Variants in TMIE observed in about 807,000 individuals in gnomAD.
TMIE encodes transmembrane inner ear, also known as transmembrane inner ear expressed protein.
Under a neutral mutation model 16.8 loss-of-function variants are expected in TMIE, and 14 were observed. The ratio of observed to expected loss-of-function variants is 0.83; its 90% CI spans 0.55 to 1.30. The LOEUF is 1.30. Among genes scored for constraint, TMIE ranks in the 50% most tolerant of loss-of-function variants. The pLI, the probability that TMIE is intolerant of heterozygous loss-of-function variation, is 0.00. For synonymous variants in TMIE, 75 were observed against 87.2 expected (o/e 0.86, Z 0.78); for missense variants, 204 against 205.9 (o/e 0.99, Z 0.06).
At chr3:46,696,241 C>T (rs576419978) in intron 1 of TMIE, among the ~76,000 whole-genome samples, 5 of 152,294 alleles carry the variant, frequency 3.3e-5, no homozygotes, top group African/African-American at 1.2e-4. Flanking sequence ...AGATCATGTG[C>T]CCATCCACAG....
At chr3:46,705,638 G>A (rs977467432) in intron 1 of TMIE, 152 bp from the exon 2 acceptor site, 2 of 705,524 alleles carry the variant, frequency 2.8e-6, no homozygotes, top group African/African-American at 1.7e-5. Context: ...ACTTTCCAAG[G>A]TCTAGGGTGT....
chr3:46,708,163 C>A (rs1700575989), intron 2 of TMIE, among the ~76,000 whole-genome samples: 1 of 152,156 alleles, frequency 6.6e-6, no homozygotes, highest in African/African-American at 2.4e-5. Flanking sequence ...TTATTCTGAG[C>A]CTGGGTGAGA....
chr3:46,709,511 C>T (rs1700593606), intron 3 of TMIE, 68 bp from the exon 4 acceptor site: 4 of 1,613,740 alleles, frequency 2.5e-6, no homozygotes, highest in East Asian at 4.5e-5. Flanking sequence ...GGCTCTTCCC[C>T]TCAGGACAGT....
upstream of TMIE, chr3:46,701,199 C>A (rs1376743976): frequency 1.1e-5 from 4 of 370,292 alleles, no homozygotes; most frequent in African/African-American, 8.5e-5. The surrounding 1 kb of genome is among the most constrained non-coding windows in gnomAD (Gnocchi z 4.3). Context: ...CTGGCCCCAG[C>A]CTGTCCTCCC....
chr3:46,702,548 A>C (rs566051457), intron 1 of TMIE, among the ~76,000 whole-genome samples: 15 of 152,192 alleles, frequency 9.9e-5, no homozygotes, highest in African/African-American at 3.1e-4. Context: ...AGGGAGGAGC[A>C]GGGGATGGAG....
intron 1 of TMIE, among the ~76,000 whole-genome samples, chr3:46,695,252 C>T (rs1251982508): frequency 6.6e-6 from 1 of 152,226 alleles, no homozygotes; most frequent in South Asian, 2.1e-4. Flanking sequence ...AAGGTCTTCC[C>T]TGTGGGGATC....
chr3:46,708,058 A>G (rs1700574887), intron 2 of TMIE, among the ~76,000 whole-genome samples: 2 of 152,160 alleles, frequency 1.3e-5, no homozygotes, highest in Non-Finnish European at 2.9e-5. Context: ...CCTGGATGCT[A>G]TTGGCTCCCC....
intron 1 of TMIE, among the ~76,000 whole-genome samples, chr3:46,695,902 A>G (rs113462075): frequency 5.3e-5 from 8 of 152,216 alleles, no homozygotes; most frequent in South Asian, 2.1e-4. Flanking sequence ...CAGTTTTCCT[A>G]TCTGCTAAAT....
chr3:46,698,265 C>T (rs977222790), upstream of TMIE, among the ~76,000 whole-genome samples: 7 of 152,018 alleles, frequency 4.6e-5, no homozygotes, highest in African/African-American at 1.7e-4. Context: ...AGGATGGTCT[C>T]GATCTCCTGA....
In TMIE at chr3:46,709,629, G is replaced by T. The variant is rs1478548382; in HGVS notation, c.412G>T (p.Ala138Ser). The T allele has an allele frequency of 1.9e-6, 3 of 1,613,742 alleles. No individual in the cohort carries two copies. Among genetic ancestry groups the T allele is most frequent in the South Asian group, 2.2e-5 (2 of 91,060 alleles). ...KKKKDSVDTV[A>S]IKVEEDEKNE... ...GAAGAAGGACAGTGTGGACACAGTG[G>T]CCATCAAAGTAGAGGAGGATGAGAA... Residue 138 changes from alanine to serine, a missense_variant, in exon 4 of 4, where the codon GCC becomes TCC. Transcript: ENST00000643606.
chr3:46,709,568 C>A lies in TMIE; in HGVS notation c.362-11C>A. 1 of 1,599,702 alleles carries A rather than the reference C, an allele frequency of 6.3e-7. No individual in the cohort carries two copies. Among genetic ancestry groups the A allele is most frequent in the East Asian group, 2.2e-5 (1 of 44,570 alleles). On this transcript the variant is annotated splice_polypyrimidine_tract_variant and intron_variant, in intron 3 of 3. Coordinates refer to ENST00000643606, the MANE Select transcript of TMIE (RefSeq NM_147196.3). The stretch of plus-strand genomic sequence containing the variant: ...ACCACTATCACATGGTCTCTTCCCC[C>A]TGCCCCACAGAGGATAAGAAGAAGA...
At chr3:46,708,577 A>G (rs936465617) in intron 2 of TMIE, among the ~76,000 whole-genome samples, 1 of 152,222 alleles carries the variant, frequency 6.6e-6, no homozygotes, top group Non-Finnish European at 1.5e-5. Flanking sequence ...TCTGAGGTGA[A>G]TGCCTCAGGG....
upstream of TMIE, among the ~76,000 whole-genome samples, chr3:46,694,294 G>A (rs1004809346): frequency 2.0e-5 from 3 of 152,198 alleles, no homozygotes; most frequent in African/African-American, 7.2e-5. Flanking sequence ...CATGAAGCCG[G>A]CCGCGTGTGC....
chr3:46,701,032 C>CA (rs370287421), upstream of TMIE, among the ~76,000 whole-genome samples: 161 of 133,336 alleles, frequency 1.2e-3, no homozygotes, highest in African/African-American at 4.5e-3. The surrounding 1 kb of genome is among the most constrained non-coding windows in gnomAD (Gnocchi z 4.3). Flanking sequence ...GCCCGCTCTG[C>CA]CCCCCCCCCA....
upstream of TMIE, among the ~76,000 whole-genome samples, chr3:46,700,903 T>G (rs1373988800): frequency 6.6e-6 from 1 of 151,622 alleles, no homozygotes; most frequent in Non-Finnish European, 1.5e-5. Flanking sequence ...CTGGCAGCTC[T>G]GACCATACCA....
At chr3:46,709,417 T>C in intron 3 of TMIE, 142 bp downstream of exon 3, 1 of 1,598,814 alleles carries the variant, frequency 6.3e-7, no homozygotes, top group Non-Finnish European at 8.5e-7. Context: ...AGCACAGAAA[T>C]TGGTTGGCAT....
intron 2 of TMIE, 109 bp downstream of exon 2, chr3:46,706,016 C>T (rs898935331): frequency 8.6e-7 from 1 of 1,164,070 alleles, no homozygotes; most frequent in Non-Finnish European, 1.3e-6. Flanking sequence ...GTAGGCCAGG[C>T]ACCCGCAGGA....
At chr3:46,706,546 G>A (rs545659513) in intron 2 of TMIE, among the ~76,000 whole-genome samples, 1 of 152,226 alleles carries the variant, frequency 6.6e-6, no homozygotes, top group African/African-American at 2.4e-5. Flanking sequence ...GCCAAGTGGG[G>A]AGGCTGCCAT....
chr3:46,701,259 A>C, upstream of TMIE: 20 of 361,784 alleles, frequency 5.5e-5, no homozygotes, highest in East Asian at 1.1e-4. This position sits in a 1 kb window ranked among gnomAD's most constrained non-coding sequence, Gnocchi z 4.3. Flanking sequence ...AGGTGGGGGC[A>C]GGGAGGGGGA....
Sources: allele counts gnomAD v4.1 joint callset (sites outside exome capture counted in the v4.1 genomes callset), GRCh38; gene constraint gnomAD v4.1.1; non-coding constraint Gnocchi (gnomAD v3.1); transcripts MANE v1.5; gene names NCBI Gene and HGNC (gene_info 2026-07-23, HGNC 2026-07-21).